The following PABPC1L variants were observed in gnomAD, a reference collection of about 807,000 sequenced individuals.
PABPC1L encodes polyadenylate-binding protein 1-like.
Under a neutral mutation model 66.6 loss-of-function variants are expected in PABPC1L, and 31 were observed. That is an observed-to-expected ratio of 0.47 (90% CI 0.35 to 0.63). The LOEUF is 0.63. PABPC1L is among the 20% of genes least tolerant of loss of function. PABPC1L has a pLI of 0.00. For missense variants in PABPC1L, 722 were observed against 848.8 expected, an observed-to-expected ratio of 0.85 and a Z score of 1.86; for synonymous variants, 348 against 335.1, an observed-to-expected ratio of 1.04 and a Z score of -0.42.
chr20:44,930,058 C>T (rs908160613), intron 7 of PABPC1L, among the ~76,000 whole-genome samples: 5 of 152,160 alleles, frequency 3.3e-5, no homozygotes, highest in East Asian at 1.9e-4. Context: ...TCTCTTATCC[C>T]GGCTGTAAAG....
chr20:44,924,623 A>G (rs1334006667), intron 7 of PABPC1L, among the ~76,000 whole-genome samples: 1 of 152,142 alleles, frequency 6.6e-6, no homozygotes, highest in Non-Finnish European at 1.5e-5. Flanking sequence ...CCGTTTTCCC[A>G]TCTGGAAAGT....
intron 7 of PABPC1L, among the ~76,000 whole-genome samples, chr20:44,929,794 C>CA (rs569532056): frequency 0.027 from 2,758 of 101,172 alleles, 35 homozygotes; most frequent in Middle Eastern, 0.074. Context: ...AACTATGTCT[C>CA]AAAAAAAAAA....
At chr20:44,914,915 G>A (rs2066728218) in intron 2 of PABPC1L, among the ~76,000 whole-genome samples, 1 of 152,138 alleles carries the variant, frequency 6.6e-6, no homozygotes, top group Admixed American at 6.5e-5. Context: ...TTTTCCCTCT[G>A]GGGCTCAGAG....
chr20:44,932,877 A>T, intron 9 of PABPC1L, 180 bp from the exon 10 acceptor site: 1 of 590,108 alleles, frequency 1.7e-6, no homozygotes, highest in Non-Finnish European at 3.0e-6. Flanking sequence ...GTAGATTCCT[A>T]CACTCCCCCT....
intron 7 of PABPC1L, 143 bp from the exon 8 acceptor site, chr20:44,930,317 G>C (rs2066841869): frequency 2.6e-6 from 3 of 1,136,718 alleles, no homozygotes; most frequent in Non-Finnish European, 3.7e-6. Flanking sequence ...TTAGTAAACA[G>C]GGGTGCACGC....
At chr20:44,938,794 A>T in intron 14 of PABPC1L, 46 bp downstream of exon 14, 1 of 1,564,898 alleles carries the variant, frequency 6.4e-7, no homozygotes, top group Non-Finnish European at 8.7e-7. Flanking sequence ...GAGAAGCTGT[A>T]AGGAAATAGG....
At chr20:44,936,550 C>G in intron 11 of PABPC1L, 87 bp from the exon 12 acceptor site, 1 of 1,158,930 alleles carries the variant, frequency 8.6e-7, no homozygotes, top group South Asian at 1.6e-5. Flanking sequence ...CAGTGCCTCC[C>G]TGGCCTTCTG....
At position 44,935,374 on chromosome 20, in the gene PABPC1L, TTTG is replaced by T. The variant is rs776300250; in HGVS notation, c.1460-14_1460-12del. ...TTGAACTCTGCTTTTTTTGTTTTGT[TTTG>T]TTTTGTTTTGCAGCCAACATTGGTA... On this transcript the variant is annotated splice_polypyrimidine_tract_variant and intron_variant, in intron 10 of 14. Transcript: ENST00000217073. 10 of 1,603,710 alleles carry T rather than the reference TTTG, an allele frequency of 6.2e-6. No homozygotes were observed. Among genetic ancestry groups the T allele is most frequent in the Non-Finnish European group, 8.5e-6 (10 of 1,170,814 alleles).
intron 6 of PABPC1L, among the ~76,000 whole-genome samples, chr20:44,923,019 A>G (rs2066785003): frequency 6.6e-6 from 1 of 152,252 alleles, no homozygotes; most frequent in Non-Finnish European, 1.5e-5. Flanking sequence ...TACCTGCAGA[A>G]CAAAATACTC....
chr20:44,920,253 G>T (rs1362130089), intron 5 of PABPC1L, among the ~76,000 whole-genome samples: 1 of 152,060 alleles, frequency 6.6e-6, no homozygotes, highest in Non-Finnish European at 1.5e-5. Flanking sequence ...CACTATTATG[G>T]TATCATGCAG....
chr20:44,933,417 C>T (rs913598497), intron 10 of PABPC1L, among the ~76,000 whole-genome samples: 2 of 151,956 alleles, frequency 1.3e-5, no homozygotes, highest in Non-Finnish European at 2.9e-5. Context: ...AAAAATAGTA[C>T]CCCCATTTTA....
chr20:44,910,342 C>G lies in PABPC1L; in HGVS notation c.193+6C>G. ...CTTCCAGCAGCCCGCGGACGGTGAG[C>G]CCCGGGGATGGGGCGGGAGGGGAAG... On this transcript the variant is annotated splice_donor_region_variant and intron_variant, in intron 1 of 14. Coordinates refer to ENST00000217073, the MANE Select transcript of PABPC1L (RefSeq NM_001372179.1). 6.7e-7 allele frequency: 1 copy of G among 1,499,294 alleles called. No homozygotes were observed. The highest frequency in any genetic ancestry group is 9.0e-7 in the Non-Finnish European group (1 of 1,116,572). 92.9% of individuals were successfully genotyped at this position (1,499,294 alleles called of 1,614,324 possible). A position where few individuals can be genotyped will look rare whatever the true frequency, so the allele number is the denominator to read the frequency against.
chr20:44,926,610 G>T (rs1275982618), intron 7 of PABPC1L, among the ~76,000 whole-genome samples: 1 of 148,846 alleles, frequency 6.7e-6, no homozygotes, highest in Non-Finnish European at 1.5e-5. Context: ...GCAATGGCGC[G>T]ATCTTGGCTC....
chr20:44,920,342 A>G (rs2066764497), intron 5 of PABPC1L, among the ~76,000 whole-genome samples: 1 of 152,174 alleles, frequency 6.6e-6, no homozygotes, highest in Non-Finnish European at 1.5e-5. Context: ...GCAACCAATG[A>G]TCTTTTTGCT....
Position 44,910,094 on chromosome 20 carries a change from C to T in PABPC1L, c.-50C>T, listed in dbSNP as rs2066692131. ...TTCCGCCCGGGTGAGCGCGGGGCTG[C>T]TGGGTGACCCGGCTCCTGCTTGCCC... On this transcript the variant is annotated 5_prime_UTR_variant, in exon 1 of 15. Transcript: ENST00000217073. 5.4e-6 allele frequency: 8 copies of T among 1,485,168 alleles called. No individual in the cohort carries two copies. Among genetic ancestry groups the T allele is most frequent in the Admixed American group, 2.1e-5 (1 of 47,568 alleles). The allele number at this position is 1,485,168 out of a possible 1,614,324, so 92.0% of individuals were successfully genotyped here.
chr20:44,926,935 A>G (rs573924514), intron 7 of PABPC1L, among the ~76,000 whole-genome samples: 1 of 151,780 alleles, frequency 6.6e-6, no homozygotes, highest in African/African-American at 2.4e-5. Flanking sequence ...GAGGGCCATG[A>G]TGTGATCATG....
At chr20:44,938,641 G>A in intron 13 of PABPC1L, 33 bp from the exon 14 acceptor site, 1 of 1,577,710 alleles carries the variant, frequency 6.3e-7, no homozygotes, top group Non-Finnish European at 8.6e-7. Context: ...TAAGATAGCT[G>A]CACTAAGCCC....
Position 44,939,135 on chromosome 20 carries a change from T to A in PABPC1L, c.*16T>A. On this transcript the variant is annotated 3_prime_UTR_variant, in exon 15 of 15. Coordinates refer to ENST00000217073, the MANE Select transcript of PABPC1L (RefSeq NM_001372179.1). Reference sequence around the variant, plus strand: ...ACCTTTTTGTCCTCAGAAAAGGAAATCCTCGCTTCCATGGCTGCCAAAAGG... The same window carrying A: ...ACCTTTTTGTCCTCAGAAAAGGAAAACCTCGCTTCCATGGCTGCCAAAAGG... 1 of 717,994 alleles carries A rather than the reference T, an allele frequency of 1.4e-6. No individual in the cohort carries two copies. The highest frequency in any genetic ancestry group is 2.6e-6 in the Non-Finnish European group (1 of 385,206). 44.5% of individuals were successfully genotyped at this position (717,994 alleles called of 1,614,324 possible). A position where few individuals can be genotyped will look rare whatever the true frequency, so the allele number is the denominator to read the frequency against.
intron 2 of PABPC1L, 86 bp from the exon 3 acceptor site, chr20:44,916,670 A>G: frequency 3.2e-6 from 4 of 1,262,602 alleles, no homozygotes; most frequent in Non-Finnish European, 4.6e-6. Flanking sequence ...GCAGGCATGC[A>G]GAGACTGGTC....
Sources: gnomAD v4.1 joint callset for allele counts (sites outside exome capture counted in the v4.1 genomes callset) on GRCh38, gnomAD v4.1.1 for gene constraint, MANE v1.5 for transcripts, NCBI Gene and HGNC (gene_info 2026-07-23, HGNC 2026-07-21) for gene names.